Variants in SGSM3 observed in about 807,000 individuals in gnomAD.
SGSM3 encodes the protein RUN and SH3 containing 3.
SGSM3 carries 96 observed loss-of-function variants against 100.5 expected under a neutral mutation model. The observed-to-expected ratio is 0.96, with a 90% CI of 0.81 to 1.13. SGSM3 has a LOEUF of 1.13. Ranked by LOEUF, SGSM3 falls within the 50% of genes most tolerant of loss-of-function variation. SGSM3 has a pLI of 0.00. For synonymous variants in SGSM3, 483 were observed against 422.8 expected, an observed-to-expected ratio of 1.14 and a Z score of -1.75; for missense variants, 1,001 against 1,015.8, an observed-to-expected ratio of 0.99 and a Z score of 0.20.
intron 1 of SGSM3, among the ~76,000 whole-genome samples, chr22:40,397,877 T>G (rs1432251872): frequency 1.3e-5 from 2 of 151,968 alleles, no homozygotes; most frequent in African/African-American, 4.8e-5. Flanking sequence ...AAATCCCCTC[T>G]CTTCTGATAG....
At chr22:40,371,531 CGTA>C (rs1427093998) in intron 1 of SGSM3, among the ~76,000 whole-genome samples, 1 of 152,138 alleles carries the variant, frequency 6.6e-6, no homozygotes, top group Non-Finnish European at 1.5e-5. Context: ...CTCGTTTACT[CGTA>C]GTTTTTGTGA....
intron 1 of SGSM3, among the ~76,000 whole-genome samples, chr22:40,377,864 G>T (rs1356464312): frequency 6.7e-6 from 1 of 148,510 alleles, no homozygotes; most frequent in African/African-American, 2.5e-5. Flanking sequence ...AAAAAAAAAA[G>T]TTAAAATAAT....
At chr22:40,375,328 C>T (rs528098362) in intron 1 of SGSM3, among the ~76,000 whole-genome samples, 1 of 152,126 alleles carries the variant, frequency 6.6e-6, no homozygotes, top group Non-Finnish European at 1.5e-5. Context: ...GCCTGTAATC[C>T]CAGTGCTTTG....
In SGSM3 at chr22:40,408,324, C is replaced by T. The variant is rs140118547; in HGVS notation, c.1677C>T (p.Leu559=). 6.2e-5 allele frequency: 100 copies of T among 1,613,412 alleles called. No individual in the cohort carries two copies. The highest frequency in any genetic ancestry group is 3.1e-4 in the South Asian group (28 of 91,088). Residue 559 remains leucine, a synonymous_variant, in exon 16 of 22, where the codon CTC becomes CTT. Coordinates refer to ENST00000248929, the MANE Select transcript of SGSM3 (RefSeq NM_015705.6). Reference sequence around the variant, plus strand: ...CGGTGACGGAGGGGGTCACAGACCTCGTGCGAGGGACCCTCTGCCCGGCCC... The same window carrying T: ...CGGTGACGGAGGGGGTCACAGACCTTGTGCGAGGGACCCTCTGCCCGGCCC... The part of the protein sequence containing the change: ...DDSVTEGVTD[L]VRGTLCPALK...
chr22:40,376,384 G>T (rs1030028655), intron 1 of SGSM3: 3 of 151,636 alleles, frequency 2.0e-5, no homozygotes, highest in African/African-American at 7.3e-5. Context: ...AAACTCCTGG[G>T]CTCAAGAGGT....
chr22:40,389,839 A>G (rs149204179), intron 1 of SGSM3, among the ~76,000 whole-genome samples: 3,383 of 142,360 alleles, frequency 0.024, 125 homozygotes, highest in African/African-American at 0.083. Context: ...GGGAGGCGGA[A>G]GTTGCAGTGA....
Position 40,410,007 on chromosome 22 carries a change from G to C in SGSM3, c.*248G>C, listed in dbSNP as rs2052385374. 2 of 1,338,476 alleles carry C rather than the reference G, an allele frequency of 1.5e-6. No individual in the cohort carries two copies. Among genetic ancestry groups the C allele is most frequent in the Non-Finnish European group, 1.9e-6 (2 of 1,050,936 alleles). 82.9% of individuals were successfully genotyped at this position (1,338,476 alleles called of 1,614,324 possible). ...GTACCAAAAACCTTGTGAGGAGGTGGGGGAGCCATGTCTGTGCTCAGGAAG... is the reference window on the plus strand; with the variant it reads ...GTACCAAAAACCTTGTGAGGAGGTGCGGGAGCCATGTCTGTGCTCAGGAAG... On this transcript the variant is annotated 3_prime_UTR_variant, in exon 22 of 22. Transcript: ENST00000248929.
chr22:40,382,148 A>C (rs2047675631), intron 1 of SGSM3, among the ~76,000 whole-genome samples: 1 of 152,126 alleles, frequency 6.6e-6, no homozygotes, highest in African/African-American at 2.4e-5. Flanking sequence ...GGTCAGGATA[A>C]GTTTAGGACT....
At chr22:40,378,047 G>C (rs1416949964) in intron 1 of SGSM3, 1 of 152,188 alleles carries the variant, frequency 6.6e-6, no homozygotes, top group East Asian at 1.9e-4. Context: ...ACAGGTGACA[G>C]ACTGTCTTGG....
intron 1 of SGSM3, among the ~76,000 whole-genome samples, chr22:40,381,090 G>A (rs925633891): frequency 6.6e-6 from 1 of 152,186 alleles, no homozygotes; most frequent in African/African-American, 2.4e-5. Context: ...AAAGGTTATA[G>A]AAACATTTTA....
At chr22:40,392,050 T>C (rs868560275) in intron 1 of SGSM3, among the ~76,000 whole-genome samples, 18 of 152,248 alleles carry the variant, frequency 1.2e-4, no homozygotes, top group African/African-American at 4.1e-4. Context: ...TCCTTTAAAC[T>C]GCTTTTAGTG....
At chr22:40,385,456 G>C (rs903313021) in intron 1 of SGSM3, among the ~76,000 whole-genome samples, 1 of 152,176 alleles carries the variant, frequency 6.6e-6, no homozygotes, top group Non-Finnish European at 1.5e-5. Flanking sequence ...CAAAGGAAAA[G>C]AGTATAAAGG....
At chr22:40,379,600 GC>G (rs2047225126) in intron 1 of SGSM3, 1 of 152,218 alleles carries the variant, frequency 6.6e-6, no homozygotes, top group Non-Finnish European at 1.5e-5. Context: ...TGCAGCATAT[GC>G]ATATCCCTCA....
intron 1 of SGSM3, among the ~76,000 whole-genome samples, chr22:40,394,813 T>A (rs1278911040): frequency 6.6e-6 from 1 of 152,188 alleles, no homozygotes; most frequent in Non-Finnish European, 1.5e-5. Context: ...TGAAAAGTCA[T>A]TTCCTGAGAG....
chr22:40,409,722 T>C lies in SGSM3; in HGVS notation c.2213T>C (p.Val738Ala). ...PLKEGVRDML[V>A]KHHLFSWDVD... ...AAGGAGGGCGTCCGGGACATGCTGG[T>C]GAAGCACCACCTCTTCAGCTGGGAT... The change falls in exon 22 of 22, where the codon GTG becomes GCG. Residue 738 changes from valine (V) to alanine (A), a missense_variant. Val to Ala is a moderately conservative substitution (Grantham distance 64). Transcript: ENST00000248929. 6.2e-7 allele frequency: 1 copy of C among 1,611,880 alleles called. No individual in the cohort carries two copies. The highest frequency in any genetic ancestry group is 8.5e-7 in the Non-Finnish European group (1 of 1,179,724).
At chr22:40,370,774 C>A (rs2045255354) in intron 1 of SGSM3, 86 bp downstream of exon 1, 1 of 152,320 alleles carries the variant, frequency 6.6e-6, no homozygotes, top group South Asian at 2.1e-4. Flanking sequence ...TGTGGTCGGA[C>A]TGTCCGACCG....
chr22:40,400,038 G>C (rs946497994), intron 1 of SGSM3, among the ~76,000 whole-genome samples: 2 of 152,142 alleles, frequency 1.3e-5, no homozygotes, highest in Non-Finnish European at 2.9e-5. Context: ...GTGGTGGTTT[G>C]ATTTTCCTCT....
At chr22:40,392,988 A>G (rs1379236675) in intron 1 of SGSM3, among the ~76,000 whole-genome samples, 2 of 152,270 alleles carry the variant, frequency 1.3e-5, no homozygotes, top group Non-Finnish European at 2.9e-5. Flanking sequence ...TTCAAGGTTC[A>G]TTCATGTTGT....
intron 1 of SGSM3, among the ~76,000 whole-genome samples, chr22:40,376,067 AC>A (rs1323058690): frequency 6.6e-6 from 1 of 151,812 alleles, no homozygotes; most frequent in Admixed American, 6.6e-5. Flanking sequence ...AAAAAAAAAA[AC>A]AAGATATGAA....
Sources: gnomAD v4.1 joint callset for allele counts (sites outside exome capture counted in the v4.1 genomes callset) on GRCh38, gnomAD v4.1.1 for gene constraint, MANE v1.5 for transcripts, NCBI Gene and HGNC (gene_info 2026-07-23, HGNC 2026-07-21) for gene names.